KDM6A: variants seen among roughly 807,000 people sequenced by gnomAD.
KDM6A encodes lysine-specific demethylase 6A.
KDM6A carries 11 observed loss-of-function variants against 117.6 expected under a neutral mutation model. That is an observed-to-expected ratio of 0.09 (90% CI 0.06 to 0.15). KDM6A has a LOEUF of 0.15. Ranked by LOEUF, KDM6A falls within the 10% of genes least tolerant of loss-of-function variation. KDM6A has a pLI of 1.00. For missense variants in KDM6A, 799 were observed against 1,077.3 expected (o/e 0.74, Z 3.62); for synonymous variants, 384 against 396.1 (o/e 0.97, Z 0.36).
At chrX:44,988,227 CAT>C (rs1261744164) in intron 4 of KDM6A, among the ~76,000 whole-genome samples, 9 of 111,942 alleles carry the variant, frequency 8.0e-5, no homozygotes, top group Non-Finnish European at 1.7e-4. Flanking sequence ...GCATTCGTCA[CAT>C]AGTTCTCGTG....
chrX:44,990,117 C>A (rs1470957573), intron 4 of KDM6A, among the ~76,000 whole-genome samples: 2 of 112,069 alleles, frequency 1.8e-5, no homozygotes. Context: ...CAACAGTTAG[C>A]ACTGTTTTGC....
At chrX:44,911,651 G>A (rs1038437955) in intron 2 of KDM6A, among the ~76,000 whole-genome samples, 7 of 112,084 alleles carry the variant, frequency 6.2e-5, no homozygotes, top group Non-Finnish European at 1.3e-4. Flanking sequence ...CTGCAATCTC[G>A]GCACTTTGGG....
chrX:44,897,358 G>C (rs2033983465), intron 2 of KDM6A, among the ~76,000 whole-genome samples: 1 of 107,043 alleles, frequency 9.3e-6, no homozygotes, highest in Non-Finnish European at 1.9e-5. Context: ...TTTAAGAGCA[G>C]TTGCAATTGC....
chrX:45,047,875 A>G (rs903914223), intron 8 of KDM6A, among the ~76,000 whole-genome samples: 8 of 107,203 alleles, frequency 7.5e-5, no homozygotes, highest in Non-Finnish European at 1.2e-4. Flanking sequence ...AATTATCTAC[A>G]GGGCTAGGCG....
intron 6 of KDM6A, among the ~76,000 whole-genome samples, chrX:45,029,251 A>G (rs1420302579): frequency 1.8e-5 from 2 of 110,583 alleles, no homozygotes; most frequent in African/African-American, 6.6e-5. Context: ...CTTGGCCAAC[A>G]TGATGAAACC....
At chrX:44,947,693 T>C (rs1237019013) in intron 2 of KDM6A, among the ~76,000 whole-genome samples, 1 of 111,843 alleles carries the variant, frequency 8.9e-6, no homozygotes, top group Non-Finnish European at 1.9e-5. Flanking sequence ...AGATTTTCTT[T>C]TCCACTCATT....
At chrX:44,912,993 G>C (rs1489149217) in intron 2 of KDM6A, among the ~76,000 whole-genome samples, 3 of 111,842 alleles carry the variant, frequency 2.7e-5, no homozygotes, top group East Asian at 5.6e-4. Context: ...TTCCTCATCT[G>C]TAAAATAAGG....
intron 2 of KDM6A, among the ~76,000 whole-genome samples, chrX:44,891,434 C>T (rs976897305): frequency 1.8e-5 from 2 of 111,069 alleles, no homozygotes; most frequent in Admixed American, 9.7e-5. Context: ...AAAATAGTTG[C>T]GTATATATTT....
intron 5 of KDM6A, among the ~76,000 whole-genome samples, chrX:45,014,588 T>G (rs1310226739): frequency 1.8e-5 from 2 of 112,255 alleles, no homozygotes; most frequent in Non-Finnish European, 3.8e-5. Context: ...TCACTTGTTC[T>G]TATTCATTAA....
chrX:44,911,357 G>T lies in KDM6A; in HGVS notation c.225+37370G>T, dbSNP rs764563269. Among the ~76,000 whole-genome samples, 361 of 108,681 alleles carry T rather than the reference G, an allele frequency of 3.3e-3. 1 individual carries two copies. The highest frequency in any genetic ancestry group is 0.012 in the African/African-American group (346 of 29,571). The allele number at this position is 108,681 out of a possible 115,157, so 94.4% of individuals were successfully genotyped here. On this transcript the variant is annotated intron_variant, in intron 2 of 29. Transcript: ENST00000611820. ...GACTCCTCACTTCTCAGACGGGGTG[G>T]CCGGGCAGAGACGCTCCTCACCTCC...
rs191473154 is a variant in KDM6A, at chrX:45,027,044, G to A, written c.564+6314G>A. ...GGGCTGGGCACCATGGCTCATGCCT[G>A]TAAACCCAGCACCCAGCACTTTCGG... On this transcript the variant is annotated intron_variant, in intron 6 of 29. Transcript: ENST00000611820. 4.2e-4 allele frequency among the ~76,000 whole-genome samples: 47 copies of A among 110,987 alleles called. No homozygotes were observed. The East Asian group carries it at 0.012, about 27-fold the overall frequency.
chrX:44,958,160 A>AT (rs1415985865), intron 2 of KDM6A, among the ~76,000 whole-genome samples: 9 of 109,643 alleles, frequency 8.2e-5, no homozygotes, highest in African/African-American at 3.0e-4. Flanking sequence ...CTCAGGGGAA[A>AT]GCATAATAAT....
chrX:45,023,349 A>AT (rs2042244199), intron 6 of KDM6A, among the ~76,000 whole-genome samples: 1 of 110,914 alleles, frequency 9.0e-6, no homozygotes, highest in Non-Finnish European at 1.9e-5. Flanking sequence ...TTCATAATAG[A>AT]TTCCTTTTTT....
intron 3 of KDM6A, among the ~76,000 whole-genome samples, chrX:44,963,566 A>T (rs1195768001): frequency 9.2e-6 from 1 of 108,157 alleles, no homozygotes; most frequent in African/African-American, 3.4e-5. Flanking sequence ...TTCTTTGCTC[A>T]TCTATAAGAA....
chrX:45,010,013 A>G (rs2041680639), intron 4 of KDM6A, among the ~76,000 whole-genome samples: 1 of 112,433 alleles, frequency 8.9e-6, no homozygotes, highest in African/African-American at 3.2e-5. Context: ...GAAATCAGAG[A>G]CATTTGTAAT....
chrX:44,999,680 C>A (rs2041042948), intron 4 of KDM6A, among the ~76,000 whole-genome samples: 1 of 111,944 alleles, frequency 8.9e-6, no homozygotes, highest in African/African-American at 3.2e-5. Flanking sequence ...TATTTCCTCA[C>A]AGCTTTCTTT....
At chrX:44,910,279 C>G (rs774151231) in intron 2 of KDM6A, among the ~76,000 whole-genome samples, 1 of 111,349 alleles carries the variant, frequency 9.0e-6, no homozygotes, top group East Asian at 2.8e-4. Flanking sequence ...CTGCGCCTCC[C>G]GGGTTCAAGC....
intron 2 of KDM6A, among the ~76,000 whole-genome samples, chrX:44,911,115 C>T (rs2035091249): frequency 2.8e-5 from 3 of 105,661 alleles, no homozygotes; most frequent in South Asian, 4.2e-4. Context: ...GGCGGCTGGC[C>T]GGGCGGGGGC....
chrX:45,083,197 C>T (rs370819748), intron 23 of KDM6A, among the ~76,000 whole-genome samples: 2 of 110,748 alleles, frequency 1.8e-5, no homozygotes, highest in East Asian at 2.8e-4. Flanking sequence ...GAAATAGTTA[C>T]GTGAAAATGT....
Sources: allele counts gnomAD v4.1 joint callset (sites outside exome capture counted in the v4.1 genomes callset), GRCh38; gene constraint gnomAD v4.1.1; transcripts MANE v1.5; gene names NCBI Gene and HGNC (gene_info 2026-07-23, HGNC 2026-07-21).